Variants in SLC22A9 observed in about 807,000 individuals in gnomAD.
SLC22A9 encodes the protein solute carrier family 22 member 9, also known as organic anion transporter 7.
Under a neutral mutation model 50.1 loss-of-function variants are expected in SLC22A9, and 64 were observed. That is an observed-to-expected ratio of 1.28 (90% CI 1.04 to 1.57). SLC22A9 has a LOEUF of 1.57. SLC22A9 is among the 40% of genes most tolerant of loss of function. The pLI, the probability that SLC22A9 is intolerant of heterozygous loss-of-function variation, is 0.00. For missense variants in SLC22A9, 757 were observed against 676.1 expected, an observed-to-expected ratio of 1.12 and a Z score of -1.33; for synonymous variants, 261 against 242.5, an observed-to-expected ratio of 1.08 and a Z score of -0.71.
At position 63,370,098 on chromosome 11, in the gene SLC22A9, G is replaced by A. The variant is rs770767157; in HGVS notation, c.42G>A (p.Trp14Ter). 2.5e-6 allele frequency: 4 copies of A among 1,613,910 alleles called. No individual in the cohort carries two copies. The highest frequency in any genetic ancestry group is 3.4e-6 in the Non-Finnish European group (4 of 1,179,842). Residue 14 changes from tryptophan to a stop codon, truncating the protein, a stop_gained, in exon 1 of 10, where the codon TGG becomes TGA. Transcript: ENST00000279178. LOFTEE classifies it high-confidence loss of function. ...TCCTGGGTCACGCTGGTGACCTGTG[G>A]AGATTCCAGATCCTTCAGACTGTTT... ...QDLLGHAGDL[W>*]RFQILQTVFL... is the part of the protein sequence containing the mutation.
chr11:63,400,563 A>G (rs934132554), intron 6 of SLC22A9, among the ~76,000 whole-genome samples: 6 of 152,112 alleles, frequency 3.9e-5, no homozygotes, highest in African/African-American at 1.2e-4. Context: ...TGATAGCTTC[A>G]GAACAACTGA....
At chr11:63,378,374 T>C (rs2014501351) in intron 5 of SLC22A9, among the ~76,000 whole-genome samples, 1 of 152,028 alleles carries the variant, frequency 6.6e-6, no homozygotes, top group African/African-American at 2.4e-5. Context: ...GGAGCATACC[T>C]CAAAATAATG....
intron 5 of SLC22A9, among the ~76,000 whole-genome samples, chr11:63,376,167 A>G (rs375346376): frequency 6.6e-5 from 10 of 152,252 alleles, no homozygotes; most frequent in African/African-American, 2.4e-4. Flanking sequence ...TACAACATAA[A>G]GAGTTCACTT....
intron 5 of SLC22A9, 84 bp downstream of exon 5, chr11:63,375,852 A>G (rs948105447): frequency 2.7e-6 from 4 of 1,503,068 alleles, no homozygotes; most frequent in South Asian, 1.3e-5. Context: ...TCCATAAGGT[A>G]AAAAAAGGAA....
intron 6 of SLC22A9, among the ~76,000 whole-genome samples, chr11:63,394,912 G>T (rs2014826058): frequency 6.6e-6 from 1 of 151,780 alleles, no homozygotes; most frequent in Non-Finnish European, 1.5e-5. Context: ...TGGAGGCTTT[G>T]TTCATATTTT....
intron 6 of SLC22A9, among the ~76,000 whole-genome samples, chr11:63,383,124 T>A (rs1358744154): frequency 6.6e-6 from 1 of 152,090 alleles, no homozygotes; most frequent in Non-Finnish European, 1.5e-5. Flanking sequence ...ACAAAGAAAA[T>A]CTGTGACTGG....
rs1259581530 is a variant in SLC22A9, at chr11:63,410,257, AAAAGAAAGAAGG to A, written c.*406_*417del. ...CTGTCTCAAAAAAAAAAAAAAAAAA[AAAAGAAAGAAGG>A]AAAGAAAGAAAGAAAAGAAAAGAAA... On this transcript the variant is annotated 3_prime_UTR_variant, in exon 10 of 10. Coordinates refer to ENST00000279178, the MANE Select transcript of SLC22A9 (RefSeq NM_080866.3). 10 of 108,488 alleles carry A rather than the reference AAAAGAAAGAAGG, an allele frequency of 9.2e-5. No individual in the cohort carries two copies. Among genetic ancestry groups the A allele is most frequent in the African/African-American group, 4.4e-4 (10 of 22,666 alleles). The allele number at this position is 108,488 out of a possible 1,614,324, so 6.7% of individuals were successfully genotyped here. A position where few individuals can be genotyped will look rare whatever the true frequency, so the allele number is the denominator to read the frequency against.
At chr11:63,381,585 G>A (rs1471237424) in intron 5 of SLC22A9, among the ~76,000 whole-genome samples, 2 of 152,082 alleles carry the variant, frequency 1.3e-5, no homozygotes, top group Non-Finnish European at 2.9e-5. Context: ...GGTAGCTGAG[G>A]GTATGTACAG....
chr11:63,387,158 T>C (rs1008016633), intron 6 of SLC22A9, among the ~76,000 whole-genome samples: 4 of 152,078 alleles, frequency 2.6e-5, no homozygotes, highest in African/African-American at 9.7e-5. Flanking sequence ...TAATCCCATT[T>C]GTTCACTTTT....
At chr11:63,395,347 G>A (rs2014834952) in intron 6 of SLC22A9, among the ~76,000 whole-genome samples, 1 of 152,072 alleles carries the variant, frequency 6.6e-6, no homozygotes, top group Admixed American at 6.6e-5. Flanking sequence ...TGGTTTTCTG[G>A]TTCCTTCTCA....
intron 6 of SLC22A9, among the ~76,000 whole-genome samples, chr11:63,398,744 C>A (rs931018189): frequency 3.3e-5 from 5 of 152,214 alleles, no homozygotes; most frequent in Non-Finnish European, 5.9e-5. Context: ...TTCCTACCCT[C>A]TTCAGTGTCT....
intron 6 of SLC22A9, among the ~76,000 whole-genome samples, chr11:63,399,225 G>T (rs1479388334): frequency 6.6e-6 from 1 of 152,068 alleles, no homozygotes; most frequent in African/African-American, 2.4e-5. Context: ...GAATGTACAT[G>T]GACTAAATTC....
intron 6 of SLC22A9, among the ~76,000 whole-genome samples, chr11:63,401,233 T>C (rs1235093116): frequency 6.6e-6 from 1 of 152,098 alleles, no homozygotes; most frequent in African/African-American, 2.4e-5. Flanking sequence ...GCATATGATA[T>C]AATTTTATAT....
chr11:63,383,391 G>A (rs186529191), intron 6 of SLC22A9, among the ~76,000 whole-genome samples: 14 of 152,262 alleles, frequency 9.2e-5, no homozygotes, highest in African/African-American at 3.1e-4. Context: ...GACACCACGG[G>A]CAGCCAGATT....
chr11:63,385,119 T>TGTTGTTGTTGTTG (rs2014641457), intron 6 of SLC22A9, among the ~76,000 whole-genome samples: 5 of 145,846 alleles, frequency 3.4e-5, no homozygotes, highest in African/African-American at 1.2e-4. Context: ...TTTTTTTTTT[T>TGTTGTTGTTGTTG]TTTTTTTTGC....
intron 6 of SLC22A9, among the ~76,000 whole-genome samples, chr11:63,405,343 A>G (rs892566316): frequency 1.3e-5 from 2 of 152,156 alleles, no homozygotes; most frequent in Non-Finnish European, 2.9e-5. Context: ...TGAGAACTAG[A>G]AACTGTGTCA....
Position 63,370,364 on chromosome 11 carries a change from G to A in SLC22A9, c.308G>A (p.Gly103Glu). 6.2e-7 allele frequency: 1 copy of A among 1,613,986 alleles called. No individual in the cohort carries two copies. The highest frequency in any genetic ancestry group is 8.5e-7 in the Non-Finnish European group (1 of 1,179,892). ...HPQWQLLHLN[G>E]TFPNTSDADM... is the part of the protein sequence containing the mutation. Reference sequence around the variant, plus strand: ...CAGTGGCAGCTCCTTCACCTGAATGGGACCTTCCCCAACACAAGTGACGCA... The same window carrying A: ...CAGTGGCAGCTCCTTCACCTGAATGAGACCTTCCCCAACACAAGTGACGCA... The change falls in exon 1 of 10, where the codon GGG becomes GAG. Residue 103 changes from glycine to glutamate, a missense_variant. Gly to Glu is a moderately conservative substitution (Grantham distance 98). Transcript: ENST00000279178.
intron 5 of SLC22A9, among the ~76,000 whole-genome samples, chr11:63,377,200 T>C (rs898943124): frequency 1.3e-5 from 2 of 152,038 alleles, no homozygotes; most frequent in Admixed American, 6.6e-5. Context: ...CAAATGGACC[T>C]AACAGATATC....
chr11:63,373,614 C>G, intron 2 of SLC22A9, 30 bp from the exon 3 acceptor site: 1 of 1,488,152 alleles, frequency 6.7e-7, no homozygotes, highest in South Asian at 1.5e-5. Flanking sequence ...TGTTATTGTT[C>G]CCATTATCTA....
Sources: allele counts gnomAD v4.1 joint callset (sites outside exome capture counted in the v4.1 genomes callset), GRCh38; gene constraint gnomAD v4.1.1; transcripts MANE v1.5; gene names NCBI Gene and HGNC (gene_info 2026-07-23, HGNC 2026-07-21).